The following TNFRSF8 variants were observed in gnomAD, a reference collection of about 807,000 sequenced individuals.
TNFRSF8 encodes TNF receptor superfamily member 8.
In TNFRSF8, 26 loss-of-function variants were observed where a neutral mutation model predicts 70.8. The observed-to-expected ratio is 0.37, with a 90% CI of 0.27 to 0.51. The LOEUF (loss-of-function observed/expected upper bound fraction) is 0.51. Ranked by LOEUF, TNFRSF8 falls within the 20% of genes least tolerant of loss-of-function variation. The probability of loss-of-function intolerance (pLI) is 0.94; values close to 1 mark genes in which losing one functional copy is unlikely to be tolerated. For missense variants in TNFRSF8, 720 were observed against 807.9 expected (o/e 0.89, Z 1.32); for synonymous variants, 356 against 339.2 (o/e 1.05, Z -0.54).
chr1:12,066,427 C>T (rs1241548870), intron 1 of TNFRSF8, among the ~76,000 whole-genome samples: 2 of 150,718 alleles, frequency 1.3e-5, no homozygotes, highest in East Asian at 3.9e-4. Context: ...GATCTTGGCT[C>T]ACTGCAACCA....
intron 14 of TNFRSF8, among the ~76,000 whole-genome samples, chr1:12,139,424 C>T (rs1642214624): frequency 1.3e-5 from 2 of 152,188 alleles, no homozygotes; most frequent in African/African-American, 4.8e-5. Flanking sequence ...TTCTGGATAT[C>T]CTGGGGACCC....
In TNFRSF8 at chr1:12,110,196, C is replaced by T; in HGVS notation, c.668C>T (p.Ser223Leu). Residue 223 changes from serine to leucine, a missense_variant, in exon 6 of 15, where the codon TCA becomes TTA. Physicochemically the swap from Ser to Leu is moderately radical, Grantham distance 145. Transcript: ENST00000263932. This position sits in a 1 kb window ranked among gnomAD's most constrained non-coding sequence, Gnocchi z 4.0. ...DSPSSVGRPS[S>L]DPGLSPTQPC... ...CCCTCCTCTGTGGGAAGGCCTAGTTCAGATCCAGGTAATTTCCCCATGAAG... is the reference window on the plus strand; with the variant it reads ...CCCTCCTCTGTGGGAAGGCCTAGTTTAGATCCAGGTAATTTCCCCATGAAG... 2.5e-6 allele frequency: 4 copies of T among 1,589,294 alleles called. No individual in the cohort carries two copies. Among genetic ancestry groups the T allele is most frequent in the Non-Finnish European group, 2.6e-6 (3 of 1,166,312 alleles).
intron 13 of TNFRSF8, among the ~76,000 whole-genome samples, chr1:12,136,702 G>T (rs1205818999): frequency 6.6e-6 from 1 of 150,406 alleles, no homozygotes; most frequent in Non-Finnish European, 1.5e-5. Context: ...TTATGAAAGA[G>T]TATTCAAGAG....
intron 2 of TNFRSF8, among the ~76,000 whole-genome samples, chr1:12,092,444 A>G (rs1009172015): frequency 6.6e-6 from 1 of 150,766 alleles, no homozygotes; most frequent in African/African-American, 2.4e-5. Flanking sequence ...AAGTGTTGGG[A>G]TTACAGGCAT....
chr1:12,086,153 A>G (rs1570002768), intron 2 of TNFRSF8, among the ~76,000 whole-genome samples: 1 of 152,236 alleles, frequency 6.6e-6, no homozygotes, highest in East Asian at 1.9e-4. Context: ...CTGCGCGGGA[A>G]CCCAGGTCAG....
chr1:12,102,990 T>C (rs1172908020), intron 3 of TNFRSF8, among the ~76,000 whole-genome samples: 2 of 152,190 alleles, frequency 1.3e-5, no homozygotes, highest in Non-Finnish European at 2.9e-5. Flanking sequence ...TGTGGGACAT[T>C]TTTCATGTGT....
At chr1:12,101,296 A>G (rs1441794266) in intron 3 of TNFRSF8, among the ~76,000 whole-genome samples, 17 of 152,006 alleles carry the variant, frequency 1.1e-4, no homozygotes, top group Admixed American at 1.1e-3. Flanking sequence ...GTGTGGTGGC[A>G]TGCGCCTGTA....
At chr1:12,089,199 A>G (rs1410421719) in intron 2 of TNFRSF8, among the ~76,000 whole-genome samples, 6 of 152,026 alleles carry the variant, frequency 3.9e-5, no homozygotes, top group African/African-American at 1.4e-4. Flanking sequence ...GGTGCCTCCC[A>G]TGGTTCCACT....
At chr1:12,092,186 G>T (rs1012486233) in intron 2 of TNFRSF8, among the ~76,000 whole-genome samples, 4 of 152,022 alleles carry the variant, frequency 2.6e-5, no homozygotes, top group African/African-American at 9.7e-5. Context: ...GTACTGTATT[G>T]TATTGTTTCA....
At chr1:12,107,765 T>C (rs912349250) in intron 4 of TNFRSF8, among the ~76,000 whole-genome samples, 1 of 151,878 alleles carries the variant, frequency 6.6e-6, no homozygotes, top group African/African-American at 2.4e-5. Context: ...GGGGTTGTTG[T>C]TTTTTTTCCA....
chr1:12,124,509 A>G (rs1343189444), intron 10 of TNFRSF8, among the ~76,000 whole-genome samples: 1 of 152,058 alleles, frequency 6.6e-6, no homozygotes, highest in East Asian at 1.9e-4. Flanking sequence ...GCAGTGTAGC[A>G]TTGTAGACGG....
Position 12,095,436 on chromosome 1 carries a change from T to C in TNFRSF8, c.152-1665T>C, listed in dbSNP as rs566556183. Among the ~76,000 whole-genome samples the C allele has an allele frequency of 3.4e-3, 515 of 152,186 alleles. 3 individuals are homozygous for C. The highest frequency in any genetic ancestry group is 0.012 in the African/African-American group (492 of 41,508). ...CCCAGTAGCTGGGATTACAGGCGCC[T>C]GCCACGACACCCAGCTAATTTTTGT... On this transcript the variant is annotated intron_variant, in intron 2 of 14. Coordinates refer to ENST00000263932, the MANE Select transcript of TNFRSF8 (RefSeq NM_001243.5).
At chr1:12,075,377 C>T (rs1012333879) in intron 1 of TNFRSF8, among the ~76,000 whole-genome samples, 1 of 151,986 alleles carries the variant, frequency 6.6e-6, no homozygotes, top group Non-Finnish European at 1.5e-5. Context: ...TGAACCGCTG[C>T]GCCTGTCCGT....
At chr1:12,104,305 C>G (rs1641478416) in intron 3 of TNFRSF8, 74 bp from the exon 4 acceptor site, 1 of 1,562,202 alleles carries the variant, frequency 6.4e-7, no homozygotes, top group East Asian at 2.2e-5. Context: ...TGCCCTCTCC[C>G]CCTCATCTCA....
intron 3 of TNFRSF8, among the ~76,000 whole-genome samples, chr1:12,099,097 A>G (rs1238387401): frequency 6.6e-6 from 1 of 152,114 alleles, no homozygotes; most frequent in Non-Finnish European, 1.5e-5. Flanking sequence ...CGTCTTTGCA[A>G]TATTCTCTGT....
Position 12,113,365 on chromosome 1 carries a change from G to C in TNFRSF8, c.793+1351G>C, listed in dbSNP as rs1641665902. Among the ~76,000 whole-genome samples, 1 of 152,156 alleles carries C rather than the reference G, an allele frequency of 6.6e-6. No homozygotes were observed. Among genetic ancestry groups the C allele is most frequent in the Non-Finnish European group, 1.5e-5 (1 of 68,026 alleles). On this transcript the variant is annotated intron_variant, in intron 7 of 14. Transcript: ENST00000263932. The surrounding 1 kb of genome is among the most constrained non-coding windows in gnomAD (Gnocchi z 4.9). ...TTTTTTGTATTTTTAGTAGAGACGG[G>C]GTTTCACCATGTTGGCCAGGCTGGT... is the stretch of plus-strand genomic sequence containing the variant.
chr1:12,075,133 A>G (rs1490597680), intron 1 of TNFRSF8, among the ~76,000 whole-genome samples: 1 of 151,784 alleles, frequency 6.6e-6, no homozygotes, highest in Non-Finnish European at 1.5e-5. Context: ...AATCCCAGCT[A>G]CTCGGGAGGC....
At position 12,109,430 on chromosome 1, in the gene TNFRSF8, G is replaced by T; in HGVS notation, c.422-136G>T. ...CTCTGAAGGGGAACGGGTGCCAGGC[G>T]GGTGCCACCTCCAGATGACTGCTGT... On this transcript the variant is annotated intron_variant, in intron 4 of 14. Coordinates refer to ENST00000263932, the MANE Select transcript of TNFRSF8 (RefSeq NM_001243.5). This position sits in a 1 kb window ranked among gnomAD's most constrained non-coding sequence, Gnocchi z 4.4. 3 of 637,122 alleles carry T rather than the reference G, an allele frequency of 4.7e-6. 1 individual carries two copies. The South Asian group carries it at 5.8e-5, about 12-fold the overall frequency. The allele number at this position is 637,122 out of a possible 1,614,324, so 39.5% of individuals were successfully genotyped here.
intron 12 of TNFRSF8, among the ~76,000 whole-genome samples, chr1:12,130,651 C>T (rs17037627): frequency 0.017 from 2,515 of 152,360 alleles, 64 homozygotes; most frequent in African/African-American, 0.056. Flanking sequence ...GAGAGCTTTA[C>T]ATCGCATGTG....
Sources: allele counts gnomAD v4.1 joint callset (sites outside exome capture counted in the v4.1 genomes callset), GRCh38; gene constraint gnomAD v4.1.1; non-coding constraint Gnocchi (gnomAD v3.1); transcripts MANE v1.5; gene names NCBI Gene and HGNC (gene_info 2026-07-23, HGNC 2026-07-21).